Variants in BMP2 observed in about 807,000 individuals in gnomAD.
BMP2 encodes the protein bone morphogenetic protein 2A.
BMP2 carries 2 observed loss-of-function variants against 28.8 expected under a neutral mutation model. The ratio of observed to expected loss-of-function variants is 0.07; its 90% CI spans 0.03 to 0.22. The LOEUF (loss-of-function observed/expected upper bound fraction) is 0.22, where lower values mean the gene tolerates loss of function less well. Ranked by LOEUF, BMP2 falls within the 10% of genes least tolerant of loss-of-function variation. The probability of loss-of-function intolerance (pLI) is 1.00; values close to 1 mark genes in which losing one functional copy is unlikely to be tolerated. For synonymous variants in BMP2, 218 were observed against 204.3 expected (o/e 1.07, Z -0.57); for missense variants, 437 against 517.7 (o/e 0.84, Z 1.51).
chr20:6,774,412 G>C (rs1006439810), intron 2 of BMP2, among the ~76,000 whole-genome samples: 8 of 152,130 alleles, frequency 5.3e-5, no homozygotes, highest in Non-Finnish European at 1.2e-4. Flanking sequence ...TGTAATCCGA[G>C]CTAATTGGGA....
At chr20:6,774,045 A>G (rs924141862) in intron 2 of BMP2, among the ~76,000 whole-genome samples, 1 of 152,188 alleles carries the variant, frequency 6.6e-6, no homozygotes, top group Non-Finnish European at 1.5e-5. Context: ...GGGCCCCGTC[A>G]CTTTTCTGCT....
chr20:6,772,188 A>G (rs1986413708), intron 2 of BMP2, among the ~76,000 whole-genome samples: 1 of 152,272 alleles, frequency 6.6e-6, no homozygotes. Context: ...TGGTTTGATC[A>G]GAACTAAACA....
chr20:6,773,223 GA>G (rs1346892549), intron 2 of BMP2, among the ~76,000 whole-genome samples: 1 of 152,112 alleles, frequency 6.6e-6, no homozygotes, highest in East Asian at 1.9e-4. Context: ...CCATATAATA[GA>G]AAAGTTCAAG....
rs1986284232 is a variant in BMP2, at chr20:6,767,947, C to T, written c.-936C>T. On this transcript the variant is annotated 5_prime_UTR_variant, in exon 1 of 3. Coordinates refer to ENST00000378827, the MANE Select transcript of BMP2 (RefSeq NM_001200.4). ...AGAGCGCGCCACAGCGCCGTGGCCT[C>T]TGCTGCCCGGGCTGCGCCAGAGCCG... is the stretch of plus-strand genomic sequence containing the variant. 2.5e-6 allele frequency: 1 copy of T among 395,056 alleles called. No individual in the cohort carries two copies. The highest frequency in any genetic ancestry group is 4.5e-6 in the Non-Finnish European group (1 of 223,890). 24.5% of individuals were successfully genotyped at this position (395,056 alleles called of 1,614,324 possible).
Position 6,779,228 on chromosome 20 carries a change from A to G in BMP2, c.*139A>G, listed in dbSNP as rs566561420. 9.8e-5 allele frequency: 28 copies of G among 284,836 alleles called. No individual in the cohort carries two copies. The highest frequency in any genetic ancestry group is 3.1e-4 in the South Asian group (2 of 6,482). 17.6% of individuals were successfully genotyped at this position (284,836 alleles called of 1,614,324 possible). ...AGACTTTATTTATGGAATGGAATGG[A>G]AAAAAAAACAGCTATTTTGAAAATA... On this transcript the variant is annotated 3_prime_UTR_variant, in exon 3 of 3. Coordinates refer to ENST00000378827, the MANE Select transcript of BMP2 (RefSeq NM_001200.4).
rs1413576631 is a variant in BMP2 at position 6,768,442 on chromosome 20, C to A, written c.-441C>A. 2.0e-5 allele frequency: 8 copies of A among 392,790 alleles called. No homozygotes were observed. Among genetic ancestry groups the A allele is most frequent in the Admixed American group, 4.4e-5 (1 of 22,524 alleles). 24.3% of individuals were successfully genotyped at this position (392,790 alleles called of 1,614,324 possible). A position where few individuals can be genotyped will look rare whatever the true frequency, so the allele number is the denominator to read the frequency against. ...GGAGCCGGCCCCGCGCGGGGCCACG[C>A]GTCCCTCGGGCGCTGGTTCCTAAGG... On this transcript the variant is annotated 5_prime_UTR_variant, in exon 1 of 3. Transcript: ENST00000378827.
intron 2 of BMP2, among the ~76,000 whole-genome samples, chr20:6,775,218 T>C (rs1986474928): frequency 6.6e-6 from 1 of 152,240 alleles, no homozygotes; most frequent in Non-Finnish European, 1.5e-5. Flanking sequence ...ATAGAAGGTT[T>C]GTTTATTTAA....
chr20:6,770,594 T>A, intron 2 of BMP2, 122 bp downstream of exon 2: 1 of 945,900 alleles, frequency 1.1e-6, no homozygotes, highest in Non-Finnish European at 1.5e-6. Flanking sequence ...TTTCCACTCT[T>A]GCTTCTGTAC....
chr20:6,777,401 A>G (rs1986521665), intron 2 of BMP2, among the ~76,000 whole-genome samples: 1 of 151,588 alleles, frequency 6.6e-6, no homozygotes, highest in Non-Finnish European at 1.5e-5. Context: ...GGGTAGGTAC[A>G]TGGTTTTTTA....
At chr20:6,774,174 C>G (rs933118898) in intron 2 of BMP2, among the ~76,000 whole-genome samples, 2 of 151,672 alleles carry the variant, frequency 1.3e-5, no homozygotes, top group African/African-American at 4.9e-5. Context: ...ATGGTTTTGA[C>G]TTTTGCTTAA....
Position 6,768,241 on chromosome 20 carries a change from G to T in BMP2, c.-642G>T. 2.5e-6 allele frequency: 1 copy of T among 398,180 alleles called. No homozygotes were observed. 24.7% of individuals were successfully genotyped at this position (398,180 alleles called of 1,614,324 possible). On this transcript the variant is annotated 5_prime_UTR_variant, in exon 1 of 3. Coordinates refer to ENST00000378827, the MANE Select transcript of BMP2 (RefSeq NM_001200.4). ...CAGAGCCGCGGTGCTTTCAACTGGC[G>T]AGCGCGAATGGGGGTGCACTGGAGT... is the stretch of plus-strand genomic sequence containing the variant.
intron 1 of BMP2, 88 bp downstream of exon 1, chr20:6,768,963 A>G: frequency 2.5e-6 from 1 of 397,868 alleles, no homozygotes; most frequent in Non-Finnish European, 4.4e-6. Context: ...CCTTACGTCC[A>G]GGCCAGAAGT....
Position 6,770,134 on chromosome 20 carries a change from C to A in BMP2, c.8C>A (p.Ala3Asp). Reference sequence around the variant, plus strand: ...CCTGTCCGCAGGTCGACCATGGTGGCCGGGACCCGCTGTCTTCTAGCGTTG... The same window carrying A: ...CCTGTCCGCAGGTCGACCATGGTGGACGGGACCCGCTGTCTTCTAGCGTTG... MV[A>D]GTRCLLALLL... The change falls in exon 2 of 3, where the codon GCC becomes GAC. Residue 3 changes from alanine (A) to aspartate (D), a missense_variant. Ala to Asp is a moderately radical substitution (Grantham distance 126, BLOSUM62 -2). Around this residue, in one of 2 missense-constraint regions of BMP2, gnomAD observed 363 missense variants for 392.8 expected, o/e 0.92. Transcript: ENST00000378827. 3 of 1,545,992 alleles carry A rather than the reference C, an allele frequency of 1.9e-6. No individual in the cohort carries two copies. Among genetic ancestry groups the A allele is most frequent in the Non-Finnish European group, 2.6e-6 (3 of 1,145,824 alleles).
intron 2 of BMP2, among the ~76,000 whole-genome samples, chr20:6,773,599 G>A (rs235764): frequency 0.31 from 46,889 of 152,056 alleles, 7,576 homozygotes; most frequent in Middle Eastern, 0.4. Flanking sequence ...TCATCATTCC[G>A]AAGGTGTTGG....
At chr20:6,775,092 G>T (rs1387927402) in intron 2 of BMP2, among the ~76,000 whole-genome samples, 1 of 152,114 alleles carries the variant, frequency 6.6e-6, no homozygotes, top group African/African-American at 2.4e-5. Flanking sequence ...AAGAACTTCA[G>T]CTTATTCAGG....
intron 1 of BMP2, among the ~76,000 whole-genome samples, chr20:6,769,815 TCACA>T (rs1374451477): frequency 6.6e-6 from 1 of 152,036 alleles, no homozygotes; most frequent in African/African-American, 2.4e-5. Flanking sequence ...CAGCGCTGTG[TCACA>T]CACAAAAAAG....
At chr20:6,769,205 T>C (rs1345315108) in intron 1 of BMP2, among the ~76,000 whole-genome samples, 1 of 152,188 alleles carries the variant, frequency 6.6e-6, no homozygotes, top group Admixed American at 6.5e-5. Flanking sequence ...GAAATCCCTT[T>C]GAGAGGGTAG....
chr20:6,778,532 G>C lies in BMP2; in HGVS notation c.634G>C (p.Ala212Pro), dbSNP rs377749107. ...GTGGGAAAGTTTTGATGTCACCCCC[G>C]CTGTGATGCGGTGGACTGCACAGGG... Reference protein sequence around the residue: ...SRWESFDVTPAVMRWTAQGHA... With the variant: ...SRWESFDVTPPVMRWTAQGHA... The change falls in exon 3 of 3, where the codon GCT (alanine) becomes CCT (proline). Residue 212 changes from alanine to proline, a missense_variant. Ala to Pro is a conservative substitution (Grantham distance 27). Transcript: ENST00000378827. This position sits in a 1 kb window ranked among gnomAD's most constrained non-coding sequence, Gnocchi z 5.0. The C allele has an allele frequency of 6.2e-7, 1 of 1,614,148 alleles. No individual in the cohort carries two copies. The highest frequency in any genetic ancestry group is 2.2e-5 in the East Asian group (1 of 44,870).
chr20:6,770,015 A>G lies in BMP2; in HGVS notation c.-7-105A>G. On this transcript the variant is annotated intron_variant, in intron 1 of 2. Transcript: ENST00000378827. ...CGTGAGTGTGCCAAGCCAGGAGGGCATCCTGGAGGAGGCACGCCAGCCAAA... is the reference window on the plus strand; with the variant it reads ...CGTGAGTGTGCCAAGCCAGGAGGGCGTCCTGGAGGAGGCACGCCAGCCAAA... 2.5e-6 allele frequency: 3 copies of G among 1,199,308 alleles called. No individual in the cohort carries two copies. The East Asian group carries it at 7.7e-5, about 31-fold the overall frequency. The allele number at this position is 1,199,308 out of a possible 1,614,324, so 74.3% of individuals were successfully genotyped here.
Sources: gnomAD v4.1 joint callset for allele counts (sites outside exome capture counted in the v4.1 genomes callset) on GRCh38, gnomAD v4.1.1 for gene constraint, gnomAD v4.1.1 regional missense constraint, Gnocchi (gnomAD v3.1) non-coding constraint, MANE v1.5 for transcripts, NCBI Gene and HGNC (gene_info 2026-07-23, HGNC 2026-07-21) for gene names.